The following PPP2R2B variants were observed in gnomAD, a reference collection of about 807,000 sequenced individuals.
PPP2R2B encodes the protein serine/threonine-protein phosphatase 2A 55 kDa regulatory subunit B beta isoform.
In PPP2R2B, 5 loss-of-function variants were observed where a neutral mutation model predicts 46.0. The ratio of observed to expected loss-of-function variants is 0.11; its 90% confidence interval spans 0.06 to 0.23. The LOEUF (loss-of-function observed/expected upper bound fraction) is 0.23, where lower values mean the gene tolerates loss of function less well. Among genes scored for constraint, PPP2R2B ranks in the 10% least tolerant of loss-of-function variants. The pLI, the probability that PPP2R2B is intolerant of heterozygous loss-of-function variation, is 1.00. For synonymous variants in PPP2R2B, 215 were observed against 206.7 expected, an observed-to-expected ratio of 1.04 and a Z score of -0.34; for missense variants, 367 against 575.0, an observed-to-expected ratio of 0.64 and a Z score of 3.70.
chr5:146,921,339 A>G (rs1326702164), intron 1 of PPP2R2B, among the ~76,000 whole-genome samples: 2 of 152,214 alleles, frequency 1.3e-5, no homozygotes, highest in Non-Finnish European at 2.9e-5. Flanking sequence ...GTACAACCTG[A>G]TAGCCCCAAC....
chr5:147,054,846 G>T (rs1001262731), intron 1 of PPP2R2B, among the ~76,000 whole-genome samples: 4 of 152,144 alleles, frequency 2.6e-5, no homozygotes, highest in African/African-American at 9.7e-5. Context: ...TCTTGAAATT[G>T]TTCTTTTTCT....
At chr5:147,079,421 ACACAC>A in intron 2 of PPP2R2B, among the ~76,000 whole-genome samples, 1 of 125,808 alleles carries the variant, frequency 7.9e-6, no homozygotes, top group Non-Finnish European at 1.6e-5. Context: ...ATACACACAA[ACACAC>A]ACACATTTTA....
At chr5:146,900,658 G>A (rs943512742) in intron 1 of PPP2R2B, among the ~76,000 whole-genome samples, 1 of 149,378 alleles carries the variant, frequency 6.7e-6, no homozygotes, top group Non-Finnish European at 1.5e-5. Flanking sequence ...GCTACAGGAT[G>A]TGTGCAGGAT....
chr5:146,938,755 T>A, intron 1 of PPP2R2B, among the ~76,000 whole-genome samples: 1 of 89,410 alleles, frequency 1.1e-5, no homozygotes, highest in Admixed American at 1.3e-4. Context: ...AATAGCCTTT[T>A]TTTTTTTTTT....
intron 2 of PPP2R2B, among the ~76,000 whole-genome samples, chr5:146,724,431 C>T (rs757546657): frequency 2.6e-5 from 4 of 152,026 alleles, no homozygotes; most frequent in Non-Finnish European, 4.4e-5. Flanking sequence ...AGCTTATGCC[C>T]TTGATGTTAT....
intron 2 of PPP2R2B, chr5:146,706,665 G>A (rs1779877918): frequency 1.9e-5 from 16 of 859,028 alleles, no homozygotes; most frequent in Non-Finnish European, 3.1e-5. Context: ...GAGGCCCTCA[G>A]TCTCAGCCTG....
chr5:146,887,788 G>C (rs1232589929), intron 1 of PPP2R2B, among the ~76,000 whole-genome samples: 2 of 152,098 alleles, frequency 1.3e-5, no homozygotes, highest in African/African-American at 4.8e-5. Context: ...TGGGCATCTG[G>C]ACACTATTAT....
chr5:146,660,060 C>T (rs1338649294), intron 5 of PPP2R2B, among the ~76,000 whole-genome samples: 4 of 152,142 alleles, frequency 2.6e-5, no homozygotes, highest in East Asian at 3.9e-4. Flanking sequence ...GAAAGCTCTC[C>T]TGGTTAGGAG....
intron 1 of PPP2R2B, among the ~76,000 whole-genome samples, chr5:146,952,679 A>T (rs1244964702): frequency 6.6e-6 from 1 of 152,170 alleles, no homozygotes; most frequent in East Asian, 1.9e-4. Flanking sequence ...TTGCAACTGA[A>T]GAACTCTATA....
chr5:146,957,519 A>G (rs1447283361), intron 1 of PPP2R2B, among the ~76,000 whole-genome samples: 1 of 152,224 alleles, frequency 6.6e-6, no homozygotes, highest in Non-Finnish European at 1.5e-5. Context: ...TTGAGCCTTG[A>G]GAGAGAAGAG....
At chr5:146,940,511 G>GAAA (rs5871997) in intron 1 of PPP2R2B, among the ~76,000 whole-genome samples, 1 of 143,270 alleles carries the variant, frequency 7.0e-6, no homozygotes, top group African/African-American at 2.5e-5. Context: ...TTTGCTAGGG[G>GAAA]AAAAAAAAAA....
At chr5:146,971,731 C>T (rs930444050) in intron 1 of PPP2R2B, among the ~76,000 whole-genome samples, 1 of 152,156 alleles carries the variant, frequency 6.6e-6, no homozygotes, top group Non-Finnish European at 1.5e-5. Context: ...TTTCCTACAG[C>T]ATTTCCAACA....
At chr5:146,672,721 T>C (rs1398438169) in intron 5 of PPP2R2B, among the ~76,000 whole-genome samples, 1 of 152,206 alleles carries the variant, frequency 6.6e-6, no homozygotes, top group Non-Finnish European at 1.5e-5. Flanking sequence ...AAGTAGTATA[T>C]GCAGCTGTTC....
chr5:146,747,697 T>C (rs1235984930), intron 2 of PPP2R2B, among the ~76,000 whole-genome samples: 1 of 152,176 alleles, frequency 6.6e-6, no homozygotes, highest in Admixed American at 6.5e-5. Context: ...GTACAGACTA[T>C]TAGGGACACA....
chr5:147,016,975 G>T (rs969882215), intron 1 of PPP2R2B, among the ~76,000 whole-genome samples: 3 of 151,570 alleles, frequency 2.0e-5, no homozygotes, highest in Non-Finnish European at 4.4e-5. Context: ...AGGTAAAGGA[G>T]AAACATGAAG....
At chr5:146,955,092 T>C (rs1021859855) in intron 1 of PPP2R2B, among the ~76,000 whole-genome samples, 1 of 152,178 alleles carries the variant, frequency 6.6e-6, no homozygotes, top group Non-Finnish European at 1.5e-5. Context: ...TTAACTCATC[T>C]AGTGAGAGTG....
intron 1 of PPP2R2B, among the ~76,000 whole-genome samples, chr5:146,889,127 T>C (rs1561497697): frequency 6.6e-6 from 1 of 152,216 alleles, no homozygotes; most frequent in Non-Finnish European, 1.5e-5. Flanking sequence ...AGAGTGAATA[T>C]GTGTTTGCTC....
chr5:146,686,355 T>C (rs979025663), intron 5 of PPP2R2B, among the ~76,000 whole-genome samples: 1 of 152,118 alleles, frequency 6.6e-6, no homozygotes, highest in Non-Finnish European at 1.5e-5. Flanking sequence ...ATGGGAAATG[T>C]GGGTGTGCTC....
At chr5:146,678,136 A>T (rs150932574) in intron 5 of PPP2R2B, among the ~76,000 whole-genome samples, 1 of 152,114 alleles carries the variant, frequency 6.6e-6, no homozygotes, top group African/African-American at 2.4e-5. Context: ...TGATGCAAAA[A>T]TCCTCAATAA....
Sources: allele counts gnomAD v4.1 joint callset (sites outside exome capture counted in the v4.1 genomes callset), GRCh38; gene constraint gnomAD v4.1.1; transcripts MANE v1.5; gene names NCBI Gene and HGNC (gene_info 2026-07-23, HGNC 2026-07-21).